The following ADGRV1 variants were observed in gnomAD, a reference collection of about 807,000 sequenced individuals.
ADGRV1 encodes the protein G-protein coupled receptor 98.
In ADGRV1, 359 loss-of-function variants were observed where a neutral mutation model predicts 596.2. That is an observed-to-expected ratio of 0.60 (90% CI 0.55 to 0.66). The LOEUF is 0.66. Ranked by LOEUF, ADGRV1 falls within the 30% of genes least tolerant of loss-of-function variation. The pLI is 0.00. For synonymous variants in ADGRV1, 2,681 were observed against 2,679.2 expected, an observed-to-expected ratio of 1.00 and a Z score of -0.02; for missense variants, 7,274 against 7,575.6, an observed-to-expected ratio of 0.96 and a Z score of 1.48.
At chr5:90,695,265 A>C (rs892995925) in intron 33 of ADGRV1, among the ~76,000 whole-genome samples, 3 of 152,176 alleles carry the variant, frequency 2.0e-5, no homozygotes, top group African/African-American at 7.2e-5. Flanking sequence ...ACTATTGTAA[A>C]ATTTCATAAA....
At chr5:90,707,136 C>T (rs1328020503) in intron 38 of ADGRV1, among the ~76,000 whole-genome samples, 5 of 152,050 alleles carry the variant, frequency 3.3e-5, no homozygotes. Flanking sequence ...TCACCAGAGG[C>T]AGATGGCACA....
At chr5:91,088,522 G>A (rs1582019996) in intron 86 of ADGRV1, among the ~76,000 whole-genome samples, 1 of 152,204 alleles carries the variant, frequency 6.6e-6, no homozygotes, top group East Asian at 1.9e-4. Flanking sequence ...CTCCATTTGG[G>A]AAGCTTAGGA....
At chr5:90,567,658 C>T (rs1349688042) in intron 1 of ADGRV1, among the ~76,000 whole-genome samples, 7 of 151,322 alleles carry the variant, frequency 4.6e-5, no homozygotes, top group Admixed American at 1.3e-4. Flanking sequence ...AGCAATGACC[C>T]CTTTTGAATT....
At chr5:90,962,350 G>A (rs996416055) in intron 83 of ADGRV1, among the ~76,000 whole-genome samples, 3 of 152,162 alleles carry the variant, frequency 2.0e-5, no homozygotes, top group African/African-American at 7.2e-5. Context: ...ATCAATGTAT[G>A]AACAACTGAG....
intron 83 of ADGRV1, among the ~76,000 whole-genome samples, chr5:90,883,112 A>G (rs993017896): frequency 1.3e-5 from 2 of 152,160 alleles, no homozygotes; most frequent in Non-Finnish European, 2.9e-5. Context: ...GTTAGCCTCA[A>G]TTATCTCTGA....
chr5:90,865,434 G>A (rs759689888), intron 83 of ADGRV1, among the ~76,000 whole-genome samples: 3 of 152,112 alleles, frequency 2.0e-5, no homozygotes, highest in Non-Finnish European at 4.4e-5. Flanking sequence ...AAATTTGCTC[G>A]TGTCTAGGGA....
At chr5:90,791,376 A>T (rs377169760) in intron 70 of ADGRV1, 30 bp downstream of exon 70, 88 of 1,470,844 alleles carry the variant, frequency 6.0e-5, no homozygotes, top group Non-Finnish European at 7.8e-5. Flanking sequence ...TTTCCTGATC[A>T]TTCCAATAAA....
At chr5:90,586,618 T>A (rs964546273) in intron 1 of ADGRV1, among the ~76,000 whole-genome samples, 1 of 152,204 alleles carries the variant, frequency 6.6e-6, no homozygotes. Context: ...AAAGCCCCAA[T>A]TAGATTTAGG....
At position 90,846,409 on chromosome 5, in the gene ADGRV1, G is replaced by C. The variant is rs16869164; in HGVS notation, c.17020-2228G>C. On this transcript the variant is annotated intron_variant, in intron 78 of 89. Transcript: ENST00000405460. ...TAGGGACTTATCAGAAGGTAATGGA[G>C]TAAGTGGCTTCACACCAATGCTTAA... 9.1e-3 allele frequency: 1,417 copies of C among 156,462 alleles called. 55 individuals carry two copies. Among genetic ancestry groups the C allele is most frequent in the Admixed American group, 0.063 (967 of 15,360 alleles). The allele number at this position is 156,462 out of a possible 1,614,324, so 9.7% of individuals were successfully genotyped here.
In ADGRV1 at chr5:90,712,281, G is replaced by A. The variant is rs1218908134; in HGVS notation, c.9043-6G>A. ...TAATACATTCTGCTTTTACCTTTTT[G>A]ACCAGATTCTTCATTTTGCTGATGG... On this transcript the variant is annotated splice_region_variant and splice_polypyrimidine_tract_variant and intron_variant, in intron 41 of 89. Coordinates refer to ENST00000405460, the MANE Select transcript of ADGRV1 (RefSeq NM_032119.4). 2 of 1,507,520 alleles carry A rather than the reference G, an allele frequency of 1.3e-6. No homozygotes were observed. The highest frequency in any genetic ancestry group is 1.8e-6 in the Non-Finnish European group (2 of 1,117,800). 93.4% of individuals were successfully genotyped at this position (1,507,520 alleles called of 1,614,324 possible).
At chr5:90,789,597 T>G in intron 68 of ADGRV1, 105 bp from the exon 69 acceptor site, 5 of 676,814 alleles carry the variant, frequency 7.4e-6, no homozygotes, top group Non-Finnish European at 1.2e-5. Flanking sequence ...GTCATTTTTA[T>G]GTTTCTTTCA....
Position 90,783,310 on chromosome 5 carries a change from T to C in ADGRV1, c.13418T>C (p.Ile4473Thr), listed in dbSNP as rs749361612. The C allele has an allele frequency of 1.9e-6, 3 of 1,609,594 alleles. No homozygotes were observed. Among genetic ancestry groups the C allele is most frequent in the Admixed American group, 1.7e-5 (1 of 59,828 alleles). The change falls in exon 66 of 90, where the codon ATT becomes ACT. Residue 4473 changes from isoleucine (I) to threonine (T), a missense_variant. By Grantham distance (89) the Ile-to-Thr change is moderately conservative. Transcript: ENST00000405460. ...QNLSFINISI[I>T]DDNESEFEEP... ...TTAAGTTTTATAAATATCTCCATCA[T>C]TGATGACAATGAAAGGTTGGTATAT... is the stretch of plus-strand genomic sequence containing the variant.
At chr5:91,162,770 A>T (rs1039156395) in intron 89 of ADGRV1, among the ~76,000 whole-genome samples, 4 of 152,202 alleles carry the variant, frequency 2.6e-5, no homozygotes, top group African/African-American at 9.7e-5. Flanking sequence ...ATCTCCAGAT[A>T]GGCTAAGATT....
chr5:90,965,344 G>A, intron 83 of ADGRV1, 71 bp from the exon 84 acceptor site: 1 of 945,000 alleles, frequency 1.1e-6, no homozygotes, highest in Non-Finnish European at 1.7e-6. Flanking sequence ...AGATAAGAAA[G>A]CAGTTTACTT....
At chr5:91,075,847 G>A (rs891934899) in intron 86 of ADGRV1, among the ~76,000 whole-genome samples, 3 of 152,036 alleles carry the variant, frequency 2.0e-5, no homozygotes, top group East Asian at 1.9e-4. Context: ...GAGTTTCCAC[G>A]GTCTGACCCA....
At chr5:91,133,152 G>A (rs1794352319) in intron 87 of ADGRV1, among the ~76,000 whole-genome samples, 1 of 152,162 alleles carries the variant, frequency 6.6e-6, no homozygotes, top group South Asian at 2.1e-4. Flanking sequence ...TACGTGTGCA[G>A]GTTTGTTATA....
chr5:91,055,039 C>T (rs1288363766), intron 85 of ADGRV1, among the ~76,000 whole-genome samples: 1 of 152,166 alleles, frequency 6.6e-6, no homozygotes, highest in Non-Finnish European at 1.5e-5. Context: ...CTTGACAGAA[C>T]CGAATAAACA....
In ADGRV1 at chr5:90,704,460, A is replaced by G. The variant is rs1334451390; in HGVS notation, c.8358A>G (p.Gln2786=). ...TTCCTGAGGAGAAAGAAGTATACCAAGTCATTCTGTATGATGTCAGGACAC... is the reference window on the plus strand; with the variant it reads ...TTCCTGAGGAGAAAGAAGTATACCAGGTCATTCTGTATGATGTCAGGACAC... The part of the protein sequence containing the change: ...DNIPEEKEVY[Q]VILYDVRTQG... The change falls in exon 36 of 90, where the codon CAA becomes CAG. Residue 2786 remains glutamine (Q), a synonymous_variant. Transcript: ENST00000405460. 4 of 1,574,310 alleles carry G rather than the reference A, an allele frequency of 2.5e-6. No individual in the cohort carries two copies. The highest frequency in any genetic ancestry group is 3.5e-6 in the Non-Finnish European group (4 of 1,156,956).
intron 17 of ADGRV1, among the ~76,000 whole-genome samples, chr5:90,649,570 C>T (rs2149452984): frequency 6.6e-6 from 1 of 152,186 alleles, no homozygotes; most frequent in South Asian, 2.1e-4. Context: ...CTCACCGCAA[C>T]CTCTGCCTCC....
Sources: allele counts gnomAD v4.1 joint callset (sites outside exome capture counted in the v4.1 genomes callset), GRCh38; gene constraint gnomAD v4.1.1; transcripts MANE v1.5; gene names NCBI Gene and HGNC (gene_info 2026-07-23, HGNC 2026-07-21).